Variants in ROCK2 observed in about 807,000 individuals in gnomAD.
ROCK2 encodes the protein rho-associated protein kinase 2.
A neutral mutation model predicts 195.1 loss-of-function variants in ROCK2; 61 were observed. The ratio of observed to expected loss-of-function variants is 0.31; its 90% CI spans 0.25 to 0.39. The LOEUF (loss-of-function observed/expected upper bound fraction) is 0.39. Ranked by LOEUF, ROCK2 falls within the 10% of genes least tolerant of loss-of-function variation. ROCK2 has a pLI of 1.00. For synonymous variants in ROCK2, 504 were observed against 545.5 expected (o/e 0.92, Z 1.06); for missense variants, 1,109 against 1,637.4 (o/e 0.68, Z 5.57).
intron 1 of ROCK2, among the ~76,000 whole-genome samples, chr2:11,315,333 TTTG>T (rs548381761): frequency 9.2e-5 from 14 of 152,108 alleles, no homozygotes; most frequent in Admixed American, 2.0e-4. Context: ...TTCAGAGTGT[TTTG>T]TTGTTGTTGT....
intron 9 of ROCK2, among the ~76,000 whole-genome samples, chr2:11,220,307 G>A (rs992666813): frequency 4.6e-5 from 7 of 151,912 alleles, no homozygotes; most frequent in South Asian, 2.1e-4. Flanking sequence ...ATGAGCCACC[G>A]TACCCGGCTT....
At chr2:11,236,136 G>A (rs1450268043) in intron 4 of ROCK2, among the ~76,000 whole-genome samples, 174 bp from the exon 5 acceptor site, 1 of 152,040 alleles carries the variant, frequency 6.6e-6, no homozygotes, top group African/African-American at 2.4e-5. Context: ...TGGATAAACA[G>A]TATCAGACAA....
chr2:11,321,585 G>A (rs762817031), intron 1 of ROCK2, among the ~76,000 whole-genome samples: 4 of 151,798 alleles, frequency 2.6e-5, no homozygotes, highest in Non-Finnish European at 5.9e-5. Flanking sequence ...GTGGAGCAAT[G>A]TTTTAAAAGT....
intron 1 of ROCK2, among the ~76,000 whole-genome samples, chr2:11,334,510 CAAAAAAAAA>C (rs34182610): frequency 1.1e-5 from 1 of 89,674 alleles, no homozygotes; most frequent in East Asian, 3.1e-4. Flanking sequence ...GACTCTGTCT[CAAAAAAAAA>C]AAAAAAAAAA....
intron 3 of ROCK2, among the ~76,000 whole-genome samples, chr2:11,284,045 C>G (rs1296137327): frequency 1.3e-5 from 2 of 152,152 alleles, no homozygotes; most frequent in South Asian, 4.1e-4. Flanking sequence ...AACTTTGGTA[C>G]AGCCAGACAA....
intron 4 of ROCK2, among the ~76,000 whole-genome samples, chr2:11,237,971 G>A (rs114164373): frequency 6.6e-6 from 1 of 152,088 alleles, no homozygotes; most frequent in Non-Finnish European, 1.5e-5. Context: ...CCAGCTAATC[G>A]GGAGGCTGAG....
chr2:11,317,576 T>TTATATATCTATATATATC (rs1668237737), intron 1 of ROCK2, among the ~76,000 whole-genome samples: 1 of 29,584 alleles, frequency 3.4e-5, no homozygotes, highest in African/African-American at 1.6e-4. Flanking sequence ...ATCTACACAT[T>TTATATATCTATATATATC]TATATATATA....
intron 3 of ROCK2, among the ~76,000 whole-genome samples, chr2:11,271,098 T>C (rs763748990): frequency 3.9e-5 from 6 of 152,206 alleles, no homozygotes; most frequent in South Asian, 2.1e-4. Context: ...TTCTGAGTCA[T>C]AGGATGGCTA....
At chr2:11,332,579 A>G (rs1029794761) in intron 1 of ROCK2, among the ~76,000 whole-genome samples, 10 of 152,250 alleles carry the variant, frequency 6.6e-5, no homozygotes, top group African/African-American at 2.2e-4. Context: ...TATAATTACA[A>G]TGACACACAC....
intron 3 of ROCK2, among the ~76,000 whole-genome samples, chr2:11,274,345 CAA>C (rs1314543914): frequency 6.6e-6 from 1 of 151,706 alleles, no homozygotes; most frequent in East Asian, 1.9e-4. Flanking sequence ...TGAAACAATC[CAA>C]AAGAGTCACA....
intron 4 of ROCK2, among the ~76,000 whole-genome samples, chr2:11,248,708 CAAAAAAAAAAAAAAA>C (rs70953372): frequency 2.2e-4 from 10 of 45,412 alleles, no homozygotes; most frequent in African/African-American, 6.8e-4. Flanking sequence ...GACTTCATCT[CAAAAAAAAAAAAAAA>C]AAAAAAAAAA....
At chr2:11,208,493 A>C (rs759139693) in intron 18 of ROCK2, 46 bp from the exon 19 acceptor site, 3 of 1,183,010 alleles carry the variant, frequency 2.5e-6, no homozygotes, top group Non-Finnish European at 3.4e-6. Flanking sequence ...CAAATAAAAG[A>C]AGCATATCAT....
At chr2:11,193,998 C>A in intron 29 of ROCK2, 141 bp from the exon 30 acceptor site, 2 of 444,686 alleles carry the variant, frequency 4.5e-6, no homozygotes, top group Non-Finnish European at 7.7e-6. Context: ...TCTATTAATT[C>A]TATAATTAAT....
intron 3 of ROCK2, among the ~76,000 whole-genome samples, chr2:11,268,134 T>A (rs1464024745): frequency 6.6e-6 from 1 of 151,290 alleles, no homozygotes; most frequent in Admixed American, 6.6e-5. Context: ...GACAAACAAA[T>A]AAAGGGAGCC....
chr2:11,328,915 T>C (rs1441069007), intron 1 of ROCK2, among the ~76,000 whole-genome samples: 1 of 112,430 alleles, frequency 8.9e-6, no homozygotes, highest in Non-Finnish European at 1.8e-5. Context: ...TGGGGACTGT[T>C]GTGGGGTGAG....
At position 11,181,922 on chromosome 2, in the gene ROCK2, C is replaced by T. The variant is rs1663014209; in HGVS notation, c.*1515G>A. On this transcript the variant is annotated 3_prime_UTR_variant, in exon 33 of 33. Transcript: ENST00000315872. ...TGCTAGGATTACAGGCGTAAGCCAC[C>T]ATGCCTGGCCAGATGATGTATTTAA... 1 of 151,840 alleles carries T rather than the reference C, an allele frequency of 6.6e-6. No individual in the cohort carries two copies. Among genetic ancestry groups the T allele is most frequent in the Non-Finnish European group, 1.5e-5 (1 of 67,990 alleles). The allele number at this position is 151,840 out of a possible 1,614,324, so 9.4% of individuals were successfully genotyped here.
rs1441348029 is a variant in ROCK2 at position 11,205,356 on chromosome 2, C to T, written c.2549+2370G>A. Among the ~76,000 whole-genome samples the T allele has an allele frequency of 5.3e-5, 8 of 152,172 alleles. 1 individual carries two copies. Among genetic ancestry groups the T allele is most frequent in the Admixed American group, 5.2e-4 (8 of 15,270 alleles). On this transcript the variant is annotated intron_variant, in intron 20 of 32. Transcript: ENST00000315872. Reference sequence around the variant, plus strand: ...ATGTATACCCCTGGCCTTATATATACTCCTTTCTTCTTTTGTTCTACTTCA... The same window carrying T: ...ATGTATACCCCTGGCCTTATATATATTCCTTTCTTCTTTTGTTCTACTTCA...
intron 3 of ROCK2, among the ~76,000 whole-genome samples, chr2:11,268,248 G>A (rs953971551): frequency 4.6e-5 from 7 of 152,010 alleles, no homozygotes; most frequent in African/African-American, 1.2e-4. Flanking sequence ...GCTAAGTGGT[G>A]GTCAAGTCAG....
intron 3 of ROCK2, among the ~76,000 whole-genome samples, chr2:11,250,149 G>T (rs947374514): frequency 6.6e-6 from 1 of 151,418 alleles, no homozygotes; most frequent in Non-Finnish European, 1.5e-5. Context: ...TATGTCTACT[G>T]AAAAAAAACC....
Sources: gnomAD v4.1 joint callset for allele counts (sites outside exome capture counted in the v4.1 genomes callset) on GRCh38, gnomAD v4.1.1 for gene constraint, MANE v1.5 for transcripts, NCBI Gene and HGNC (gene_info 2026-07-23, HGNC 2026-07-21) for gene names.